TCF12: variants seen among roughly 807,000 people sequenced by gnomAD.
The protein encoded by TCF12 is DNA-binding protein HTF4.
A neutral mutation model predicts 86.0 loss-of-function variants in TCF12; 45 were observed. That is an observed-to-expected ratio of 0.52 (90% CI 0.41 to 0.67). TCF12 has a LOEUF of 0.67. Among genes scored for constraint, TCF12 ranks in the 30% least tolerant of loss-of-function variants. The pLI is 0.00. For missense variants in TCF12, 881 were observed against 859.9 expected (o/e 1.02, Z -0.31); for synonymous variants, 330 against 299.6 (o/e 1.10, Z -1.05).
intron 3 of TCF12, among the ~76,000 whole-genome samples, chr15:57,057,173 C>T (rs2068095221): frequency 6.6e-6 from 1 of 152,184 alleles, no homozygotes; most frequent in Non-Finnish European, 1.5e-5. Context: ...TGTGCCTGCC[C>T]TGTGAATGGT....
rs376203988 is a variant in TCF12, at chr15:57,197,789, A to C, written c.543A>C (p.Lys181Asn). ...DSAALDPLQA[K>N]KVRKVPPGLP... ...CATCTGCAGATCCCTTGCAAGCAAA[A>C]AAAGTCAGAAAGGTGCCTCCTGGTT... The change falls in exon 8 of 21, where the codon AAA becomes AAC. Residue 181 changes from lysine to asparagine, a missense_variant. Lys to Asn is a moderately conservative substitution (Grantham distance 94). Around this residue, in one of 3 missense-constraint regions of TCF12, gnomAD observed 766 missense variants for 718.9 expected, o/e 1.07. Coordinates refer to ENST00000333725, the MANE Select transcript of TCF12 (RefSeq NM_207037.2). 1.2e-6 allele frequency: 2 copies of C among 1,614,082 alleles called. No homozygotes were observed. The highest frequency in any genetic ancestry group is 2.2e-5 in the East Asian group (1 of 44,854).
chr15:57,251,559 G>C, intron 14 of TCF12, 136 bp downstream of exon 14: 12 of 848,938 alleles, frequency 1.4e-5, no homozygotes, highest in Non-Finnish European at 2.3e-5. Context: ...TGATTCATTT[G>C]AACAATATAA....
intron 19 of TCF12, chr15:57,281,672 G>C (rs1294009663): frequency 1.3e-5 from 2 of 152,212 alleles, no homozygotes; most frequent in African/African-American, 4.8e-5. Flanking sequence ...AAGGGATCTG[G>C]GATCTAGGTT....
At chr15:57,026,354 G>C (rs1475147609) in intron 3 of TCF12, among the ~76,000 whole-genome samples, 1 of 152,188 alleles carries the variant, frequency 6.6e-6, no homozygotes, top group Non-Finnish European at 1.5e-5. Flanking sequence ...GAACTTTCAA[G>C]AGAATATGGG....
At chr15:57,258,436 A>G (rs796308037) in intron 16 of TCF12, among the ~76,000 whole-genome samples, 1 of 152,238 alleles carries the variant, frequency 6.6e-6, no homozygotes, top group African/African-American at 2.4e-5. Flanking sequence ...CTTTAATGAA[A>G]AGTACGGTTA....
chr15:57,268,534 C>T (rs1394429704), intron 18 of TCF12, among the ~76,000 whole-genome samples: 4 of 152,066 alleles, frequency 2.6e-5, no homozygotes, highest in Non-Finnish European at 5.9e-5. Flanking sequence ...GTTACAAGCA[C>T]GAGCCACCAT....
chr15:56,948,544 A>G (rs1057145244), intron 3 of TCF12, among the ~76,000 whole-genome samples: 8 of 152,226 alleles, frequency 5.3e-5, no homozygotes, highest in African/African-American at 1.7e-4. Flanking sequence ...TGACTGTAGA[A>G]GAGAATGTTT....
At chr15:57,098,449 A>AT (rs1353305806) in intron 5 of TCF12, among the ~76,000 whole-genome samples, 3 of 151,700 alleles carry the variant, frequency 2.0e-5, no homozygotes, top group East Asian at 1.9e-4. Flanking sequence ...TCATTCCTCC[A>AT]TTTTTTTCTG....
At chr15:57,071,804 G>A (rs1276942362) in intron 4 of TCF12, among the ~76,000 whole-genome samples, 1 of 152,212 alleles carries the variant, frequency 6.6e-6, no homozygotes, top group Non-Finnish European at 1.5e-5. Context: ...AATAGAGGAG[G>A]AAGTGTTTGA....
intron 6 of TCF12, among the ~76,000 whole-genome samples, chr15:57,167,581 G>A (rs1489372054): frequency 1.3e-5 from 2 of 151,772 alleles, no homozygotes; most frequent in Non-Finnish European, 2.9e-5. Flanking sequence ...AGAGAAAGGA[G>A]GGAAGGAGGG....
At chr15:56,978,379 T>C (rs562457009) in intron 3 of TCF12, among the ~76,000 whole-genome samples, 1 of 152,212 alleles carries the variant, frequency 6.6e-6, no homozygotes, top group Non-Finnish European at 1.5e-5. Flanking sequence ...TAAATTGTAG[T>C]ATTAATATTT....
intron 4 of TCF12, among the ~76,000 whole-genome samples, chr15:57,064,392 C>A (rs2068692329): frequency 6.6e-6 from 1 of 152,068 alleles, no homozygotes; most frequent in Non-Finnish European, 1.5e-5. Context: ...CAAAAAACCC[C>A]CAAAGCTTTA....
intron 6 of TCF12, among the ~76,000 whole-genome samples, chr15:57,191,788 A>G (rs1047071344): frequency 6.6e-6 from 1 of 151,986 alleles, no homozygotes; most frequent in African/African-American, 2.4e-5. Context: ...ACATACAAAA[A>G]TTAGGCATGG....
intron 3 of TCF12, among the ~76,000 whole-genome samples, chr15:56,932,985 C>CT (rs1337232516): frequency 6.6e-6 from 1 of 151,998 alleles, no homozygotes; most frequent in South Asian, 2.1e-4. Flanking sequence ...AAGTGTAATT[C>CT]TTTTTTTGTG....
intron 5 of TCF12, among the ~76,000 whole-genome samples, chr15:57,116,552 G>T (rs1267922684): frequency 1.3e-5 from 2 of 151,982 alleles, no homozygotes; most frequent in African/African-American, 4.8e-5. Flanking sequence ...TTGCAGTGTT[G>T]CCCAGGCTGG....
chr15:57,129,049 G>T (rs1257302145), intron 5 of TCF12, among the ~76,000 whole-genome samples: 1 of 152,162 alleles, frequency 6.6e-6, no homozygotes, highest in African/African-American at 2.4e-5. Context: ...TGTATACCTA[G>T]GAGTGGAGTT....
At chr15:57,070,990 C>A (rs564222060) in intron 4 of TCF12, among the ~76,000 whole-genome samples, 2 of 152,212 alleles carry the variant, frequency 1.3e-5, no homozygotes, top group South Asian at 4.1e-4. Flanking sequence ...TTACCCTGAT[C>A]CCCCAATTTT....
chr15:57,171,750 G>A (rs907590629), intron 6 of TCF12, among the ~76,000 whole-genome samples: 8 of 152,124 alleles, frequency 5.3e-5, no homozygotes, highest in Admixed American at 2.0e-4. Context: ...AACACTGATA[G>A]ATCATTCTGC....
intron 4 of TCF12, among the ~76,000 whole-genome samples, chr15:57,074,466 A>T (rs1013441733): frequency 2.0e-5 from 3 of 151,578 alleles, no homozygotes; most frequent in Non-Finnish European, 4.4e-5. Flanking sequence ...AAGATGATGG[A>T]CTATTAGGGT....
Sources: allele counts gnomAD v4.1 joint callset (sites outside exome capture counted in the v4.1 genomes callset), GRCh38; gene constraint gnomAD v4.1.1; regional missense constraint gnomAD v4.1.1; transcripts MANE v1.5; gene names NCBI Gene and HGNC (gene_info 2026-07-23, HGNC 2026-07-21).